RUNDC3B: variants seen among roughly 807,000 people sequenced by gnomAD.
RUNDC3B encodes the protein RUN domain containing 3B.
A neutral mutation model predicts 58.4 loss-of-function variants in RUNDC3B; 33 were observed. The ratio of observed to expected loss-of-function variants is 0.56; its 90% confidence interval spans 0.43 to 0.75. The LOEUF (loss-of-function observed/expected upper bound fraction) is 0.75. Ranked by LOEUF, RUNDC3B falls within the 30% of genes least tolerant of loss-of-function variation. The probability of loss-of-function intolerance (pLI) is 0.00; values close to 1 mark genes in which losing one functional copy is unlikely to be tolerated. For synonymous variants in RUNDC3B, 193 were observed against 195.2 expected, an observed-to-expected ratio of 0.99 and a Z score of 0.10; for missense variants, 501 against 535.7, an observed-to-expected ratio of 0.94 and a Z score of 0.64.
intron 10 of RUNDC3B, among the ~76,000 whole-genome samples, chr7:87,823,632 A>G (rs1584294921): frequency 6.6e-6 from 1 of 152,060 alleles, no homozygotes; most frequent in South Asian, 2.1e-4. Flanking sequence ...TTGCATCCTC[A>G]TAGCTCAGCT....
intron 4 of RUNDC3B, among the ~76,000 whole-genome samples, chr7:87,716,671 T>A (rs1049715919): frequency 9.2e-5 from 14 of 152,220 alleles, no homozygotes; most frequent in African/African-American, 3.4e-4. Context: ...GGTTTTCCCA[T>A]AAATTTTAAG....
At chr7:87,810,760 G>A (rs2130940034) in intron 9 of RUNDC3B, among the ~76,000 whole-genome samples, 1 of 152,180 alleles carries the variant, frequency 6.6e-6, no homozygotes, top group Non-Finnish European at 1.5e-5. Flanking sequence ...GACCCGGCAA[G>A]CTATGCTGGA....
At chr7:87,759,876 C>A (rs2130851331) in intron 6 of RUNDC3B, among the ~76,000 whole-genome samples, 1 of 151,572 alleles carries the variant, frequency 6.6e-6, no homozygotes, top group African/African-American at 2.4e-5. Flanking sequence ...TGTATCAAAA[C>A]ATCATATGTA....
intron 4 of RUNDC3B, among the ~76,000 whole-genome samples, chr7:87,720,932 T>C (rs202135789): frequency 2.7e-5 from 4 of 149,024 alleles, no homozygotes; most frequent in African/African-American, 9.8e-5. Flanking sequence ...ATATTTTAAA[T>C]AGTTAAAATT....
At chr7:87,730,651 G>A (rs1159183440) in intron 4 of RUNDC3B, among the ~76,000 whole-genome samples, 1 of 151,888 alleles carries the variant, frequency 6.6e-6, no homozygotes, top group Non-Finnish European at 1.5e-5. Flanking sequence ...TCCCTGAAGG[G>A]AAGGACACAG....
At chr7:87,780,969 G>C (rs1263674323) in intron 8 of RUNDC3B, among the ~76,000 whole-genome samples, 1 of 151,992 alleles carries the variant, frequency 6.6e-6, no homozygotes, top group Non-Finnish European at 1.5e-5. Flanking sequence ...GGCTATTTTG[G>C]TTCCATATTA....
intron 2 of RUNDC3B, among the ~76,000 whole-genome samples, chr7:87,686,846 A>G (rs187113682): frequency 1.1e-4 from 17 of 151,554 alleles, no homozygotes; most frequent in Non-Finnish European, 1.9e-4. Flanking sequence ...TTGGGAGGCT[A>G]AGGTGGGAGG....
chr7:87,694,230 A>T (rs1469863052), intron 2 of RUNDC3B, among the ~76,000 whole-genome samples: 1 of 152,132 alleles, frequency 6.6e-6, no homozygotes, highest in Non-Finnish European at 1.5e-5. Flanking sequence ...TTACGTGTGA[A>T]GTAGCAGCTC....
chr7:87,636,838 C>G (rs983837302), intron 1 of RUNDC3B, among the ~76,000 whole-genome samples: 1 of 152,074 alleles, frequency 6.6e-6, no homozygotes, highest in Non-Finnish European at 1.5e-5. Context: ...GAGGACATAC[C>G]TGAGACTGGG....
chr7:87,629,722 C>T (rs946170813), intron 1 of RUNDC3B, among the ~76,000 whole-genome samples: 2 of 151,694 alleles, frequency 1.3e-5, no homozygotes, highest in Admixed American at 6.6e-5. Context: ...GGTCGGAGTT[C>T]GAGACCAGCC....
intron 6 of RUNDC3B, among the ~76,000 whole-genome samples, chr7:87,749,103 A>C (rs1832813243): frequency 2.0e-5 from 3 of 152,210 alleles, no homozygotes; most frequent in Admixed American, 2.0e-4. Flanking sequence ...ATTAAAGAGC[A>C]AGATGTCATC....
At chr7:87,785,141 A>G (rs1835140279) in intron 8 of RUNDC3B, among the ~76,000 whole-genome samples, 1 of 152,072 alleles carries the variant, frequency 6.6e-6, no homozygotes, top group Non-Finnish European at 1.5e-5. Flanking sequence ...GATCCCCCAA[A>G]CAGATCTCCC....
At chr7:87,708,516 T>A (rs568679378) in intron 3 of RUNDC3B, among the ~76,000 whole-genome samples, 4 of 152,320 alleles carry the variant, frequency 2.6e-5, no homozygotes, top group Non-Finnish European at 5.9e-5. Flanking sequence ...AATCATCCCA[T>A]TGCAAGCCCA....
intron 6 of RUNDC3B, among the ~76,000 whole-genome samples, chr7:87,762,555 G>A (rs1396580296): frequency 6.6e-6 from 1 of 151,320 alleles, no homozygotes; most frequent in Non-Finnish European, 1.5e-5. Context: ...CTTGTAAACT[G>A]TAAGTCCATT....
At chr7:87,717,473 T>C (rs1013929815) in intron 4 of RUNDC3B, among the ~76,000 whole-genome samples, 1 of 152,080 alleles carries the variant, frequency 6.6e-6, no homozygotes, top group Non-Finnish European at 1.5e-5. Context: ...AATTACTAGC[T>C]ACCTTAACTG....
At chr7:87,795,869 G>A (rs747331841) in intron 8 of RUNDC3B, among the ~76,000 whole-genome samples, 4 of 152,108 alleles carry the variant, frequency 2.6e-5, no homozygotes, top group Admixed American at 6.6e-5. Context: ...CAGCCTGAGC[G>A]TCAAGAGTGA....
At chr7:87,666,020 C>T (rs988369759) in intron 2 of RUNDC3B, among the ~76,000 whole-genome samples, 1 of 151,956 alleles carries the variant, frequency 6.6e-6, no homozygotes, top group Non-Finnish European at 1.5e-5. Context: ...ATTGCTGGGT[C>T]GAATGGTAGT....
Position 87,739,872 on chromosome 7 carries a change from T to C in RUNDC3B, c.540T>C (p.Ile180=), listed in dbSNP as rs1219801330. The change falls in exon 5 of 11, where the codon ATT becomes ATC. Residue 180 remains isoleucine (I), a synonymous_variant. Transcript: ENST00000394654. The stretch of plus-strand genomic sequence containing the variant: ...GCATGCTTCTAGGACTCAATGCTAT[T>C]GATTTCAGGTACTTAACCAAATGCA... The part of the protein sequence containing the change: ...LAGMLLGLNA[I]DFSFCLKGEG... 6.5e-7 allele frequency: 1 copy of C among 1,535,364 alleles called. No homozygotes were observed. Among genetic ancestry groups the C allele is most frequent in the Non-Finnish European group, 8.9e-7 (1 of 1,118,312 alleles).
intron 4 of RUNDC3B, among the ~76,000 whole-genome samples, chr7:87,731,720 A>T (rs1584033471): frequency 6.6e-6 from 1 of 152,246 alleles, no homozygotes; most frequent in Non-Finnish European, 1.5e-5. Flanking sequence ...AGAATATAAC[A>T]ATTGTAAATA....
Sources: gnomAD v4.1 joint callset for allele counts (sites outside exome capture counted in the v4.1 genomes callset) on GRCh38, gnomAD v4.1.1 for gene constraint, MANE v1.5 for transcripts, NCBI Gene and HGNC (gene_info 2026-07-23, HGNC 2026-07-21) for gene names.